Variants in KMT2E observed in about 807,000 individuals in gnomAD.
KMT2E encodes the protein histone reader KMT2E.
In KMT2E, 30 loss-of-function variants were observed where a neutral mutation model predicts 184.6. That is an observed-to-expected ratio of 0.16 (90% CI 0.12 to 0.22). The LOEUF (loss-of-function observed/expected upper bound fraction) is 0.22. Ranked by LOEUF, KMT2E falls within the 10% of genes least tolerant of loss-of-function variation. The probability of loss-of-function intolerance (pLI) is 1.00; values close to 1 mark genes in which losing one functional copy is unlikely to be tolerated. For synonymous variants in KMT2E, 815 were observed against 776.5 expected (o/e 1.05, Z -0.82); for missense variants, 2,023 against 2,237.4 (o/e 0.90, Z 1.93).
At chr7:105,021,452 T>C (rs1021921008) in intron 1 of KMT2E, among the ~76,000 whole-genome samples, 4 of 152,248 alleles carry the variant, frequency 2.6e-5, no homozygotes, top group African/African-American at 9.6e-5. Flanking sequence ...AAAAGCCTGC[T>C]GTTTTAGAGT....
Position 105,101,457 on chromosome 7 carries a change from G to A in KMT2E, c.1755G>A (p.Leu585=). Residue 585 remains leucine (L), a synonymous_variant, in exon 16 of 27, where the codon TTG becomes TTA. Coordinates refer to ENST00000311117, the MANE Select transcript of KMT2E (RefSeq NM_182931.3). ...AAGAAAGAAAAATGGAAGCAATTTT[G>A]CAAGCTTTTGCCAGACTTGAAAAGA... is the stretch of plus-strand genomic sequence containing the variant. ...TREERKMEAI[L]QAFARLEKRE... 3 of 1,563,052 alleles carry A rather than the reference G, an allele frequency of 1.9e-6. No individual in the cohort carries two copies. Among genetic ancestry groups the A allele is most frequent in the East Asian group, 4.6e-5 (2 of 43,118 alleles).
chr7:105,093,161 C>T (rs1798275654), intron 15 of KMT2E, among the ~76,000 whole-genome samples: 1 of 152,208 alleles, frequency 6.6e-6, no homozygotes. Flanking sequence ...TACCACTGCA[C>T]TCCAGCCTAG....
intron 15 of KMT2E, among the ~76,000 whole-genome samples, chr7:105,100,684 T>C (rs192714058): frequency 3.3e-5 from 5 of 152,194 alleles, no homozygotes; most frequent in Admixed American, 3.3e-4. Flanking sequence ...GAATACTTTA[T>C]AAGAATTACA....
chr7:105,020,215 C>G (rs1168984085), intron 1 of KMT2E, among the ~76,000 whole-genome samples: 2 of 151,850 alleles, frequency 1.3e-5, no homozygotes, highest in Non-Finnish European at 2.9e-5. Context: ...TAATAGCCAA[C>G]TTGGTTGCAG....
chr7:105,075,910 G>A lies in KMT2E; in HGVS notation c.730-133G>A, dbSNP rs1327346329. 16 of 666,054 alleles carry A rather than the reference G, an allele frequency of 2.4e-5. No homozygotes were observed. In the East Asian group the frequency reaches 4.2e-4, roughly 17 times the overall value. The allele number at this position is 666,054 out of a possible 1,614,324, so 41.3% of individuals were successfully genotyped here. A position where few individuals can be genotyped will look rare whatever the true frequency, so the allele number is the denominator to read the frequency against. ...GATGCCTTTATTAAACATTCTCCTA[G>A]TGTCAGCTTTCTTGGTTACCAAATT... On this transcript the variant is annotated intron_variant, in intron 8 of 26. Transcript: ENST00000311117.
At chr7:105,056,370 CTCTA>C (rs1385704828) in intron 3 of KMT2E, among the ~76,000 whole-genome samples, 5 of 152,142 alleles carry the variant, frequency 3.3e-5, no homozygotes, top group Non-Finnish European at 5.9e-5. Context: ...GAAAATCTGG[CTCTA>C]TCTATTACAA....
intron 6 of KMT2E, among the ~76,000 whole-genome samples, 177 bp from the exon 7 acceptor site, chr7:105,073,442 A>G (rs1033654905): frequency 2.0e-5 from 3 of 151,512 alleles, no homozygotes; most frequent in African/African-American, 7.3e-5. Flanking sequence ...GGAGTCATCT[A>G]TCTGGCATCT....
chr7:105,094,230 A>G (rs879807152), intron 15 of KMT2E, among the ~76,000 whole-genome samples: 31 of 152,308 alleles, frequency 2.0e-4, no homozygotes, highest in Admixed American at 8.5e-4. Flanking sequence ...TATATTGGTT[A>G]GATTAACATC....
Position 105,105,512 on chromosome 7 carries a change from C to G in KMT2E, c.2270C>G (p.Pro757Arg). 1.2e-6 allele frequency: 2 copies of G among 1,613,660 alleles called. No homozygotes were observed. Among genetic ancestry groups the G allele is most frequent in the Non-Finnish European group, 1.7e-6 (2 of 1,179,828 alleles). ...CCTTCAGATGGCCTTTCAGAAAGGC[C>G]TCTACGCATAACTACAGATCCTGAA... ...GKPSDGLSER[P>R]LRITTDPEVL... Residue 757 changes from proline (P) to arginine (R), a missense_variant, in exon 18 of 27, where the codon CCT becomes CGT. Physicochemically the swap from Pro to Arg is moderately radical, Grantham distance 103. This residue lies in a region of KMT2E where 514 missense variants were observed against 621.8 expected (regional missense o/e 0.83). Coordinates refer to ENST00000311117, the MANE Select transcript of KMT2E (RefSeq NM_182931.3).
At chr7:105,028,639 T>C (rs138474520) in intron 1 of KMT2E, among the ~76,000 whole-genome samples, 10 of 152,206 alleles carry the variant, frequency 6.6e-5, no homozygotes, top group African/African-American at 2.4e-4. Context: ...GGTGTTCAGC[T>C]TCATCTGCAG....
Position 105,062,360 on chromosome 7 carries a change from G to A in KMT2E, c.186+82G>A, listed in dbSNP as rs551527577. 16 of 820,104 alleles carry A rather than the reference G, an allele frequency of 2.0e-5. No homozygotes were observed. The East Asian group carries it at 2.4e-4, about 12-fold the overall frequency. 50.8% of individuals were successfully genotyped at this position (820,104 alleles called of 1,614,324 possible). A position where few individuals can be genotyped will look rare whatever the true frequency, so the allele number is the denominator to read the frequency against. ...ATGCATGTGATACTGTGCTTGAAAC[G>A]GCATGTTTGAAAAGCATGGTTGTTT... On this transcript the variant is annotated intron_variant, in intron 4 of 26. Transcript: ENST00000311117.
rs746451947 is a variant in KMT2E at position 105,105,899 on chromosome 7, T to G, written c.2492T>G (p.Ile831Ser). 1 of 1,613,148 alleles carries G rather than the reference T, an allele frequency of 6.2e-7. No individual in the cohort carries two copies. Among genetic ancestry groups the G allele is most frequent in the Admixed American group, 1.7e-5 (1 of 59,800 alleles). The change falls in exon 19 of 27, where the codon ATT becomes AGT. Residue 831 changes from isoleucine (I) to serine (S), a missense_variant. Ile to Ser is a moderately radical substitution (Grantham distance 142). Around this residue, in one of 8 missense-constraint regions of KMT2E, gnomAD observed 514 missense variants for 621.8 expected, o/e 0.83. Transcript: ENST00000311117. The part of the protein sequence containing the change: ...KQALEEENSA[I>S]LHRFNSPCQE... ...GCTCTGGAAGAAGAAAATTCAGCAA[T>G]TTTACATAGATTTAATTCACCCTGT...
rs1427384773 is a variant in KMT2E at position 105,105,447 on chromosome 7, T to A, written c.2205T>A (p.Val735=). ...TTTTTTCTTTTCTCTAGCACTTGGT[T>A]AATGAATGGTTAAGTGAGAAGAATG... ...TKYPKTKKHL[V]NEWLSEKNEK... Residue 735 remains valine (V), a synonymous_variant, in exon 18 of 27, where the codon GTT becomes GTA. Transcript: ENST00000311117. The A allele has an allele frequency of 6.3e-7, 1 of 1,584,026 alleles. No homozygotes were observed. The highest frequency in any genetic ancestry group is 1.2e-5 in the South Asian group (1 of 85,622).
chr7:105,109,589 G>T (rs772820707), intron 23 of KMT2E, among the ~76,000 whole-genome samples: 2 of 152,134 alleles, frequency 1.3e-5, no homozygotes, highest in Non-Finnish European at 2.9e-5. Flanking sequence ...GATGGATCTT[G>T]GCAAATGGCA....
intron 1 of KMT2E, among the ~76,000 whole-genome samples, chr7:105,017,325 T>A (rs1794756103): frequency 6.6e-6 from 1 of 152,146 alleles, no homozygotes; most frequent in Non-Finnish European, 1.5e-5. Context: ...TTAGAAATTA[T>A]AGGAAAAGCT....
chr7:105,071,926 G>A (rs1264126864), intron 6 of KMT2E, among the ~76,000 whole-genome samples: 1 of 151,888 alleles, frequency 6.6e-6, no homozygotes, highest in African/African-American at 2.4e-5. Context: ...GTCTCTATGT[G>A]GTTTTGTTTC....
chr7:105,015,191 G>T (rs1409017749), intron 1 of KMT2E, among the ~76,000 whole-genome samples: 2 of 152,102 alleles, frequency 1.3e-5, no homozygotes, highest in African/African-American at 4.8e-5. Flanking sequence ...GTCCTTTACT[G>T]TGCCGGAGCC....
intron 3 of KMT2E, among the ~76,000 whole-genome samples, chr7:105,050,769 A>G (rs1224980196): frequency 2.7e-5 from 4 of 148,000 alleles, no homozygotes; most frequent in Admixed American, 6.9e-5. Context: ...TTGCTCTGTC[A>G]CCCAGGCTGG....
At chr7:105,022,661 T>A (rs375455598) in intron 1 of KMT2E, among the ~76,000 whole-genome samples, 2 of 152,178 alleles carry the variant, frequency 1.3e-5, no homozygotes, top group African/African-American at 4.8e-5. Flanking sequence ...GTAGCGTCTG[T>A]TGATGATTCT....
Sources: gnomAD v4.1 joint callset for allele counts (sites outside exome capture counted in the v4.1 genomes callset) on GRCh38, gnomAD v4.1.1 for gene constraint, gnomAD v4.1.1 regional missense constraint, MANE v1.5 for transcripts, NCBI Gene and HGNC (gene_info 2026-07-23, HGNC 2026-07-21) for gene names.